The following IRAG2 variants were observed in gnomAD, a reference collection of about 807,000 sequenced individuals.
IRAG2 encodes the protein lymphoid restricted membrane protein.
Under a neutral mutation model 69.9 loss-of-function variants are expected in IRAG2, and 45 were observed. The ratio of observed to expected loss-of-function variants is 0.64; its 90% CI spans 0.51 to 0.83. The LOEUF (loss-of-function observed/expected upper bound fraction) is 0.83, where lower values mean the gene tolerates loss of function less well. Ranked by LOEUF, IRAG2 falls within the 40% of genes least tolerant of loss-of-function variation. IRAG2 has a pLI of 0.00. For missense variants in IRAG2, 520 were observed against 587.0 expected, an observed-to-expected ratio of 0.89 and a Z score of 1.18; for synonymous variants, 193 against 202.4, an observed-to-expected ratio of 0.95 and a Z score of 0.40.
chr12:25,108,042 T>C lies in IRAG2; in HGVS notation c.1482T>C (p.Asn494=). The change falls in exon 22 of 22, where the codon AAT becomes AAC. Residue 494 remains asparagine (N), a synonymous_variant. Transcript: ENST00000556887. ...ILWPFTRLRH[N]GPPPV Reference sequence around the variant, plus strand: ...GGCCATTTACCAGACTCCGACACAATGGGCCACCACCAGTGTGACAGCAGG... The same window carrying C: ...GGCCATTTACCAGACTCCGACACAACGGGCCACCACCAGTGTGACAGCAGG... 1 of 1,614,050 alleles carries C rather than the reference T, an allele frequency of 6.2e-7. No homozygotes were observed. The highest frequency in any genetic ancestry group is 1.1e-5 in the South Asian group (1 of 91,082).
At chr12:25,016,016 T>A (rs1023873568) in intron 5 of IRAG2, among the ~76,000 whole-genome samples, 3 of 151,990 alleles carry the variant, frequency 2.0e-5, no homozygotes, top group Non-Finnish European at 4.4e-5. Context: ...GCCCACATGG[T>A]GAAATGCTGT....
intron 4 of IRAG2, among the ~76,000 whole-genome samples, chr12:25,065,186 T>C (rs1185001930): frequency 6.6e-6 from 1 of 151,972 alleles, no homozygotes; most frequent in Admixed American, 6.6e-5. Flanking sequence ...CCTCAACACA[T>C]CCCTGTGAGG....
intron 12 of IRAG2, chr12:25,033,716 T>G: frequency 2.5e-6 from 1 of 392,360 alleles, no homozygotes; most frequent in South Asian, 1.4e-4. Context: ...CTCTCCCTAT[T>G]CCCAAGCACA....
At chr12:25,004,441 C>G in exon 1 of IRAG2, 1 of 1,232,086 alleles carries the variant, frequency 8.1e-7, no homozygotes, top group Non-Finnish European at 1.0e-6. Context: ...AATTTCAAAT[C>G]CAATTCAGCA....
upstream of IRAG2, among the ~76,000 whole-genome samples, chr12:25,002,237 C>G (rs1490301991): frequency 1.3e-5 from 2 of 152,146 alleles, no homozygotes; most frequent in Non-Finnish European, 2.9e-5. Flanking sequence ...CTTATTTATT[C>G]AAGGTGGGAA....
At chr12:25,001,751 A>C (rs542316436), upstream of IRAG2, among the ~76,000 whole-genome samples, 31 of 150,658 alleles carry the variant, frequency 2.1e-4, no homozygotes, top group Non-Finnish European at 3.4e-4. Context: ...ACAATGACAG[A>C]TACTTAACTA....
intron 10 of IRAG2, among the ~76,000 whole-genome samples, chr12:25,085,194 GCTTTCTGTATC>G (rs1429314917): frequency 3.9e-5 from 6 of 152,380 alleles, no homozygotes; most frequent in African/African-American, 1.4e-4. Flanking sequence ...CAGTGTGACA[GCTTTCTGTATC>G]CTGAGCTGTC....
the IRAG2 span, among the ~76,000 whole-genome samples, chr12:24,999,152 A>G: frequency 6.6e-6 from 1 of 152,248 alleles, no homozygotes; most frequent in African/African-American, 2.4e-5. Context: ...TCTACATTGT[A>G]CATACGTAGT....
chr12:25,045,848 TA>T lies in IRAG2; in HGVS notation c.2145-6368del, dbSNP rs71063392. On this transcript the variant is annotated intron_variant, in intron 16 of 38. Transcript: ENST00000636465. ...CTGAAATTCTTTACCAAATAAAAGA[TA>T]AAAAAAAAAAAAAAAAAAGGAAAGG... Among the ~76,000 whole-genome samples, 670 of 131,558 alleles carry T rather than the reference TA, an allele frequency of 5.1e-3. 3 individuals carry two copies. The highest frequency in any genetic ancestry group is 9.8e-3 in the African/African-American group (353 of 36,076). The allele number at this position is 131,558 out of a possible 152,430, so 86.3% of individuals were successfully genotyped here.
chr12:25,098,205 T>A (rs1428766099), intron 15 of IRAG2, among the ~76,000 whole-genome samples: 4 of 152,216 alleles, frequency 2.6e-5, no homozygotes, highest in African/African-American at 9.6e-5. Flanking sequence ...AGCTGGAAAA[T>A]GTCACATTCC....
intron 8 of IRAG2, among the ~76,000 whole-genome samples, chr12:25,024,715 A>G (rs1460728258): frequency 6.6e-6 from 1 of 152,222 alleles, no homozygotes; most frequent in Non-Finnish European, 1.5e-5. Flanking sequence ...ATTGGAAAGG[A>G]ACAATTAAAG....
At chr12:25,055,600 C>G (rs1288532470) in intron 1 of IRAG2, among the ~76,000 whole-genome samples, 1 of 152,140 alleles carries the variant, frequency 6.6e-6, no homozygotes, top group African/African-American at 2.4e-5. Context: ...AATGCTACAC[C>G]TCTCCTATCC....
Position 25,108,263 on chromosome 12 carries a change from G to T in IRAG2, c.*203G>T, listed in dbSNP as rs1949360397. ...AGAAGTCTGCCTATGATCTTTGAAT[G>T]AGCTTTTTAAGGAAGAAATATTATA... On this transcript the variant is annotated 3_prime_UTR_variant, in exon 22 of 22. Coordinates refer to ENST00000556887, the MANE Select transcript of IRAG2 (RefSeq NM_001366544.2). 3 of 586,630 alleles carry T rather than the reference G, an allele frequency of 5.1e-6. No individual in the cohort carries two copies. Among genetic ancestry groups the T allele is most frequent in the Non-Finnish European group, 5.8e-6 (2 of 347,476 alleles). The allele number at this position is 586,630 out of a possible 1,614,324, so 36.3% of individuals were successfully genotyped here.
At position 25,107,967 on chromosome 12, in the gene IRAG2, C is replaced by G. The variant is rs114192162; in HGVS notation, c.1407C>G (p.Ala469=). The G allele has an allele frequency of 1.9e-6, 3 of 1,614,084 alleles. No individual in the cohort carries two copies. Among genetic ancestry groups the G allele is most frequent in the Non-Finnish European group, 2.5e-6 (3 of 1,180,018 alleles). ...TGQLFQKSVD[A]APTQQEDSWT... is the part of the protein sequence containing the mutation. ...AATTATTCCAGAAGTCTGTGGATGC[C>G]GCTCCCACACAGCAAGAGGACTCAT... Residue 469 remains alanine (A), a synonymous_variant, in exon 22 of 22, where the codon GCC becomes GCG. Transcript: ENST00000556887.
At chr12:25,036,719 T>G (rs1417599453) in intron 15 of IRAG2, 10 of 398,400 alleles carry the variant, frequency 2.5e-5, no homozygotes, top group Non-Finnish European at 4.4e-5. Context: ...TTTTCCTGGT[T>G]TTTCTTCTAC....
chr12:25,031,782 C>G (rs907673486), intron 10 of IRAG2, among the ~76,000 whole-genome samples: 1 of 152,168 alleles, frequency 6.6e-6, no homozygotes, highest in Non-Finnish European at 1.5e-5. Flanking sequence ...CCTGCCTCAG[C>G]CTCCTGAGTA....
At chr12:25,046,358 T>C (rs1944793478) in intron 16 of IRAG2, among the ~76,000 whole-genome samples, 1 of 151,644 alleles carries the variant, frequency 6.6e-6, no homozygotes, top group South Asian at 2.1e-4. Context: ...CCAGAGCATT[T>C]AGGCAAGAAA....
intron 10 of IRAG2, among the ~76,000 whole-genome samples, chr12:25,084,094 GA>G (rs1211166488): frequency 6.6e-6 from 1 of 152,178 alleles, no homozygotes; most frequent in Non-Finnish European, 1.5e-5. Flanking sequence ...TCCTTAAAGA[GA>G]AAATTCATTA....
chr12:25,025,412 A>C (rs139900087), intron 8 of IRAG2, among the ~76,000 whole-genome samples: 71 of 152,272 alleles, frequency 4.7e-4, no homozygotes, highest in Non-Finnish European at 6.0e-4. Context: ...GTCTGGAGCA[A>C]AGTGAACAAG....
Sources: gnomAD v4.1 joint callset for allele counts (sites outside exome capture counted in the v4.1 genomes callset) on GRCh38, gnomAD v4.1.1 for gene constraint, MANE v1.5 for transcripts, NCBI Gene and HGNC (gene_info 2026-07-23, HGNC 2026-07-21) for gene names.